The following TMCC1 variants were observed in gnomAD, a reference collection of about 807,000 sequenced individuals.
TMCC1 encodes transmembrane and coiled-coil domains protein 1.
In TMCC1, 15 loss-of-function variants were observed where a neutral mutation model predicts 52.4. That is an observed-to-expected ratio of 0.29 (90% CI 0.19 to 0.44). The LOEUF (loss-of-function observed/expected upper bound fraction) is 0.44, where lower values mean the gene tolerates loss of function less well. TMCC1 is among the 20% of genes least tolerant of loss of function. TMCC1 has a pLI of 1.00. For synonymous variants in TMCC1, 279 were observed against 301.9 expected, an observed-to-expected ratio of 0.92 and a Z score of 0.79; for missense variants, 503 against 806.0, an observed-to-expected ratio of 0.62 and a Z score of 4.55.
chr3:129,803,797 T>C (rs1234869243), intron 4 of TMCC1, among the ~76,000 whole-genome samples: 2 of 152,064 alleles, frequency 1.3e-5, no homozygotes, highest in African/African-American at 4.8e-5. Context: ...AATCACACAA[T>C]GTGTGATTAT....
intron 4 of TMCC1, among the ~76,000 whole-genome samples, chr3:129,826,534 T>C (rs1577001383): frequency 6.6e-6 from 1 of 152,038 alleles, no homozygotes; most frequent in African/African-American, 2.4e-5. Flanking sequence ...AATATACACA[T>C]AAATATGTGG....
chr3:129,701,758 T>A (rs1014192411), intron 4 of TMCC1, among the ~76,000 whole-genome samples: 1 of 152,164 alleles, frequency 6.6e-6, no homozygotes, highest in Non-Finnish European at 1.5e-5. Flanking sequence ...CCTACCTCAA[T>A]GGAATCATGT....
intron 4 of TMCC1, among the ~76,000 whole-genome samples, chr3:129,720,165 G>C (rs964781528): frequency 3.7e-5 from 5 of 134,898 alleles, no homozygotes; most frequent in African/African-American, 1.5e-4. Context: ...CTGGGCAACA[G>C]AGTAAGACCC....
intron 4 of TMCC1, among the ~76,000 whole-genome samples, chr3:129,783,854 A>G (rs1178602639): frequency 6.6e-6 from 1 of 152,236 alleles, no homozygotes; most frequent in Non-Finnish European, 1.5e-5. Context: ...AGAAATGTGG[A>G]TACCTATTAT....
chr3:129,764,604 T>C (rs1283477351), intron 4 of TMCC1, among the ~76,000 whole-genome samples: 1 of 151,806 alleles, frequency 6.6e-6, no homozygotes, highest in East Asian at 1.9e-4. Context: ...TTAAATGAAA[T>C]GATAAAGCAT....
chr3:129,703,697 C>T (rs544852085), intron 4 of TMCC1, among the ~76,000 whole-genome samples: 7 of 152,160 alleles, frequency 4.6e-5, no homozygotes, highest in East Asian at 3.9e-4. Context: ...TAATAATATT[C>T]GGCTATTAAC....
At chr3:129,853,630 C>A in intron 2 of TMCC1, among the ~76,000 whole-genome samples, 2 of 133,056 alleles carry the variant, frequency 1.5e-5, no homozygotes, top group Admixed American at 7.5e-5. Context: ...ATGCACACCC[C>A]ACCTCAAAAA....
At chr3:129,688,749 G>A in intron 4 of TMCC1, 3 of 985,410 alleles carry the variant, frequency 3.0e-6, no homozygotes, top group Non-Finnish European at 3.6e-6. Context: ...GTTTGACTCT[G>A]AGAATGGAGA....
intron 1 of TMCC1, chr3:129,892,804 G>C (rs1233931530): frequency 6.6e-6 from 1 of 152,110 alleles, no homozygotes; most frequent in Non-Finnish European, 1.5e-5. Context: ...GGCTGAAAAA[G>C]CAGAGATTCG....
intron 5 of TMCC1, among the ~76,000 whole-genome samples, chr3:129,669,349 T>C (rs1023892777): frequency 1.3e-5 from 2 of 152,222 alleles, no homozygotes; most frequent in Non-Finnish European, 2.9e-5. Context: ...TAACTTGACC[T>C]GTAGCTCCCA....
Position 129,691,792 on chromosome 3 carries a change from G to A in TMCC1, c.577-20528C>T, listed in dbSNP as rs117727873. On this transcript the variant is annotated intron_variant, in intron 4 of 6. Transcript: ENST00000393238. Reference sequence around the variant, plus strand: ...TTAAAAAACAAAACAGAAAGACCATGGCCTCTTGTTTGTAAGTATAAAACA... The same window carrying A: ...TTAAAAAACAAAACAGAAAGACCATAGCCTCTTGTTTGTAAGTATAAAACA... Among the ~76,000 whole-genome samples the A allele has an allele frequency of 4.3e-4, 65 of 152,160 alleles. No individual in the cohort carries two copies. The East Asian group carries it at 0.011, about 26-fold the overall frequency.
intron 2 of TMCC1, among the ~76,000 whole-genome samples, chr3:129,873,453 G>A (rs2061032308): frequency 6.6e-6 from 1 of 151,402 alleles, no homozygotes; most frequent in South Asian, 2.1e-4. Flanking sequence ...AGGTGGAAAT[G>A]GGAGGATTGC....
chr3:129,794,170 G>A (rs2056657999), intron 4 of TMCC1, among the ~76,000 whole-genome samples: 1 of 152,212 alleles, frequency 6.6e-6, no homozygotes, highest in African/African-American at 2.4e-5. Context: ...CTTTGTGCCT[G>A]TCAGATAAAA....
intron 5 of TMCC1, among the ~76,000 whole-genome samples, chr3:129,667,111 G>T (rs1272753654): frequency 6.7e-6 from 1 of 149,744 alleles, no homozygotes; most frequent in Non-Finnish European, 1.5e-5. Flanking sequence ...CACCATGTTA[G>T]CCAGGATGGT....
intron 4 of TMCC1, among the ~76,000 whole-genome samples, chr3:129,702,940 C>G (rs927375364): frequency 6.6e-6 from 1 of 152,040 alleles, no homozygotes; most frequent in Non-Finnish European, 1.5e-5. Flanking sequence ...CGCTTGAACC[C>G]GGGAGGTTGA....
chr3:129,803,689 C>G (rs1413403972), intron 4 of TMCC1, among the ~76,000 whole-genome samples: 2 of 151,980 alleles, frequency 1.3e-5, no homozygotes, highest in African/African-American at 4.8e-5. Flanking sequence ...CTTTAAAGAC[C>G]CAGAGCACAC....
intron 2 of TMCC1, among the ~76,000 whole-genome samples, chr3:129,871,432 T>C (rs2060925444): frequency 6.6e-6 from 1 of 150,870 alleles, no homozygotes. Flanking sequence ...GACACTTTCA[T>C]ACCTCATACG....
chr3:129,873,516 G>A (rs1272262908), intron 2 of TMCC1, among the ~76,000 whole-genome samples: 3 of 151,658 alleles, frequency 2.0e-5, no homozygotes, highest in Admixed American at 1.3e-4. Context: ...ACCCTGTCTC[G>A]AAAAATTTTT....
intron 4 of TMCC1, among the ~76,000 whole-genome samples, chr3:129,756,374 C>T (rs1301614398): frequency 1.3e-5 from 2 of 152,162 alleles, no homozygotes; most frequent in African/African-American, 2.4e-5. Context: ...AAGGAAAATG[C>T]TATTGTTTCT....
Sources: gnomAD v4.1 joint callset for allele counts (sites outside exome capture counted in the v4.1 genomes callset) on GRCh38, gnomAD v4.1.1 for gene constraint, MANE v1.5 for transcripts, NCBI Gene and HGNC (gene_info 2026-07-23, HGNC 2026-07-21) for gene names.